The following CGGBP1 variants were observed in gnomAD, a reference collection of about 807,000 sequenced individuals.
The protein encoded by CGGBP1 is CGG triplet repeat binding protein 1, also known as CGG triplet repeat-binding protein 1.
CGGBP1 carries 4 observed loss-of-function variants against 11.4 expected under a neutral mutation model. That is an observed-to-expected ratio of 0.35 (90% CI 0.17 to 0.80). CGGBP1 has a LOEUF of 0.80. Among genes scored for constraint, CGGBP1 ranks in the 30% least tolerant of loss-of-function variants. CGGBP1 has a pLI of 0.52. For missense variants in CGGBP1, 135 were observed against 202.1 expected, an observed-to-expected ratio of 0.67 and a Z score of 2.01; for synonymous variants, 76 against 74.1, an observed-to-expected ratio of 1.03 and a Z score of -0.13.
chr3:88,101,079 C>T (rs1472463143), intron 2 of CGGBP1, among the ~76,000 whole-genome samples: 1 of 152,078 alleles, frequency 6.6e-6, no homozygotes, highest in African/African-American at 2.4e-5. Flanking sequence ...GCTGTATTTC[C>T]CCACTCCTTA....
chr3:88,108,108 G>A (rs1704855794), intron 2 of CGGBP1, among the ~76,000 whole-genome samples: 1 of 151,930 alleles, frequency 6.6e-6, no homozygotes, highest in Non-Finnish European at 1.5e-5. Flanking sequence ...TACTAGCTTG[G>A]GACCAATATT....
intron 2 of CGGBP1, among the ~76,000 whole-genome samples, chr3:88,099,066 G>T (rs536637926): frequency 1.0e-3 from 156 of 152,288 alleles, no homozygotes; most frequent in African/African-American, 3.4e-3. Flanking sequence ...CAGATGACAT[G>T]ATTGTATATT....
intron 2 of CGGBP1, among the ~76,000 whole-genome samples, chr3:88,109,679 A>T (rs1306318961): frequency 6.6e-6 from 1 of 152,178 alleles, no homozygotes; most frequent in African/African-American, 2.4e-5. Context: ...TCAAGGGGGA[A>T]CTGTAAATCA....
chr3:88,055,369 G>C lies in CGGBP1; in HGVS notation c.*104C>G. 8.7e-7 allele frequency: 1 copy of C among 1,151,826 alleles called. No individual in the cohort carries two copies. The highest frequency in any genetic ancestry group is 1.2e-6 in the Non-Finnish European group (1 of 832,140). The allele number at this position is 1,151,826 out of a possible 1,614,324, so 71.4% of individuals were successfully genotyped here. On this transcript the variant is annotated 3_prime_UTR_variant, in exon 4 of 4. Transcript: ENST00000482016. This position sits in a 1 kb window ranked among gnomAD's most constrained non-coding sequence, Gnocchi z 4.2. Reference sequence around the variant, plus strand: ...TATACACATTGCAAAACTATTCTGCGTCACATGATTTTAAATGAAATAAAT... The same window carrying C: ...TATACACATTGCAAAACTATTCTGCCTCACATGATTTTAAATGAAATAAAT...
intron 2 of CGGBP1, chr3:88,139,805 A>T (rs773520518): frequency 7.1e-6 from 11 of 1,558,526 alleles, no homozygotes; most frequent in Middle Eastern, 1.7e-4. Flanking sequence ...ATTATGAAGA[A>T]GATGATTATG....
chr3:88,116,589 T>TTA (rs1553698280), intron 2 of CGGBP1, among the ~76,000 whole-genome samples: 2 of 133,020 alleles, frequency 1.5e-5, no homozygotes, highest in African/African-American at 3.0e-5. Flanking sequence ...TGCACATATA[T>TTA]TATATATATG....
chr3:88,101,298 C>G (rs1167796350), intron 2 of CGGBP1, among the ~76,000 whole-genome samples: 1 of 152,108 alleles, frequency 6.6e-6, no homozygotes. Context: ...CTACCCAGCT[C>G]AAGGCAACTA....
In CGGBP1 at chr3:88,055,961, C is replaced by T. The variant is rs1328024237; in HGVS notation, c.16G>A (p.Val6Ile). 1.9e-6 allele frequency: 3 copies of T among 1,610,028 alleles called. No homozygotes were observed. In the African/African-American group the frequency reaches 4.0e-5, roughly 21 times the overall value. MERFVVTAPPARNRSK... is the reference protein window; with the variant it reads MERFVITAPPARNRSK... ...CGGTTTCGAGCAGGTGGTGCTGTTACTACAAATCGCTCCATTCTGACTCTA... is the reference window on the plus strand; with the variant it reads ...CGGTTTCGAGCAGGTGGTGCTGTTATTACAAATCGCTCCATTCTGACTCTA... The change falls in exon 4 of 4, where the codon GTA becomes ATA. Residue 6 changes from valine (V) to isoleucine (I), a missense_variant. Physicochemically the swap from Val to Ile is conservative, Grantham distance 29. Coordinates refer to ENST00000482016, the MANE Select transcript of CGGBP1 (RefSeq NM_001008390.2). The surrounding 1 kb of genome is among the most constrained non-coding windows in gnomAD (Gnocchi z 4.2).
At chr3:88,101,092 C>CATT (rs1704394647) in intron 2 of CGGBP1, among the ~76,000 whole-genome samples, 1 of 152,116 alleles carries the variant, frequency 6.6e-6, no homozygotes, top group African/African-American at 2.4e-5. Context: ...ACTCCTTACC[C>CATT]ATTGCTAGTT....
At chr3:88,071,488 CA>C (rs1707506678) in intron 2 of CGGBP1, among the ~76,000 whole-genome samples, 1 of 152,142 alleles carries the variant, frequency 6.6e-6, no homozygotes, top group Admixed American at 6.5e-5. Context: ...ACTAAAAATA[CA>C]AAAAAATTTG....
intron 2 of CGGBP1, among the ~76,000 whole-genome samples, chr3:88,105,630 C>T (rs1319824338): frequency 1.3e-5 from 2 of 152,118 alleles, no homozygotes; most frequent in African/African-American, 2.4e-5. Flanking sequence ...TTTTGTATAA[C>T]CTACCCACAA....
chr3:88,139,881 T>C, intron 2 of CGGBP1: 1 of 1,611,002 alleles, frequency 6.2e-7, no homozygotes. Flanking sequence ...AAAAGACATA[T>C]ATGCCACAGA....
At chr3:88,108,975 T>A (rs978583117) in intron 2 of CGGBP1, among the ~76,000 whole-genome samples, 4 of 152,166 alleles carry the variant, frequency 2.6e-5, no homozygotes, top group African/African-American at 7.2e-5. Flanking sequence ...ATGGTGCATG[T>A]TAAGGTGCTT....
chr3:88,091,289 CAAAAATAATA>C (rs1380470611), intron 2 of CGGBP1, among the ~76,000 whole-genome samples: 1 of 151,820 alleles, frequency 6.6e-6, no homozygotes, highest in Non-Finnish European at 1.5e-5. Flanking sequence ...GCTACGTAGA[CAAAAATAATA>C]AAAAATAATA....
chr3:88,105,710 A>G (rs529729407), intron 2 of CGGBP1, among the ~76,000 whole-genome samples: 53 of 152,288 alleles, frequency 3.5e-4, no homozygotes, highest in Admixed American at 1.0e-3. Flanking sequence ...TTTTGACTAA[A>G]CTAATAAATG....
intron 2 of CGGBP1, among the ~76,000 whole-genome samples, chr3:88,120,710 G>A (rs550910926): frequency 5.6e-4 from 85 of 152,084 alleles, no homozygotes; most frequent in African/African-American, 1.5e-3. Context: ...TATTACTTAC[G>A]CACATGTACT....
At chr3:88,084,638 C>A (rs1380293988) in intron 2 of CGGBP1, among the ~76,000 whole-genome samples, 5 of 152,106 alleles carry the variant, frequency 3.3e-5, no homozygotes, top group Non-Finnish European at 7.4e-5. Context: ...CCTGGTACTG[C>A]CATTTGGAAT....
At chr3:88,128,337 A>C (rs7630240) in intron 2 of CGGBP1, among the ~76,000 whole-genome samples, 1 of 151,988 alleles carries the variant, frequency 6.6e-6, no homozygotes, top group South Asian at 2.1e-4. Context: ...TTGTGATTCA[A>C]CTTTTTCATT....
At chr3:88,101,519 CAGT>C (rs1704425860) in intron 2 of CGGBP1, among the ~76,000 whole-genome samples, 1 of 152,104 alleles carries the variant, frequency 6.6e-6, no homozygotes, top group South Asian at 2.1e-4. Context: ...TAGCATTTAT[CAGT>C]AGCTCATTTC....
Sources: allele counts gnomAD v4.1 joint callset (sites outside exome capture counted in the v4.1 genomes callset), GRCh38; gene constraint gnomAD v4.1.1; non-coding constraint Gnocchi (gnomAD v3.1); transcripts MANE v1.5; gene names NCBI Gene and HGNC (gene_info 2026-07-23, HGNC 2026-07-21).